The following NDUFB5 variants were observed in gnomAD, a reference collection of about 807,000 sequenced individuals.
NDUFB5 encodes the protein NADH dehydrogenase [ubiquinone] 1 beta subcomplex subunit 5, mitochondrial.
A neutral mutation model predicts 19.4 loss-of-function variants in NDUFB5; 19 were observed. That is an observed-to-expected ratio of 0.98 (90% CI 0.68 to 1.43). NDUFB5 has a LOEUF of 1.43. Ranked by LOEUF, NDUFB5 falls within the 40% of genes most tolerant of loss-of-function variation. The pLI, the probability that NDUFB5 is intolerant of heterozygous loss-of-function variation, is 0.00. For missense variants in NDUFB5, 233 were observed against 236.5 expected (o/e 0.99, Z 0.10); for synonymous variants, 80 against 82.6 (o/e 0.97, Z 0.17).
In NDUFB5 at chr3:179,615,306, C is replaced by G. The variant is rs529039902; in HGVS notation, c.213+247C>G. The G allele has an allele frequency of 7.0e-5, 21 of 299,932 alleles. 1 individual carries two copies. The South Asian group carries it at 9.0e-4, about 13-fold the overall frequency. The allele number at this position is 299,932 out of a possible 1,614,324, so 18.6% of individuals were successfully genotyped here. A position where few individuals can be genotyped will look rare whatever the true frequency, so the allele number is the denominator to read the frequency against. ...GTAAAACTTGAACCATTCCTTTCTT[C>G]TGAAGATTATGGCGTTTCGAAATAG... On this transcript the variant is annotated intron_variant, in intron 2 of 5. Coordinates refer to ENST00000259037, the MANE Select transcript of NDUFB5 (RefSeq NM_002492.4).
chr3:179,622,640 T>C (rs1385743302), intron 5 of NDUFB5, among the ~76,000 whole-genome samples: 1 of 152,200 alleles, frequency 6.6e-6, no homozygotes, highest in Non-Finnish European at 1.5e-5. Context: ...TTGATAAATA[T>C]TTTAATTACG....
chr3:179,623,316 A>T (rs937017658), intron 5 of NDUFB5, among the ~76,000 whole-genome samples: 2 of 152,364 alleles, frequency 1.3e-5, no homozygotes, highest in East Asian at 3.9e-4. Flanking sequence ...GATGAAAGTG[A>T]TCTGTGCAGG....
chr3:179,607,912 T>C lies in NDUFB5; in HGVS notation c.124+2973T>C. 6.0e-6 allele frequency: 4 copies of C among 665,062 alleles called. No individual in the cohort carries two copies. The South Asian group carries it at 6.8e-5, about 11-fold the overall frequency. 41.2% of individuals were successfully genotyped at this position (665,062 alleles called of 1,614,324 possible). A position where few individuals can be genotyped will look rare whatever the true frequency, so the allele number is the denominator to read the frequency against. The stretch of plus-strand genomic sequence containing the variant: ...TCAGAATTTCCTTCCTTTTTAAAGC[T>C]GAATTGTCCGTTGTCCATTGTATGT... On this transcript the variant is annotated intron_variant, in intron 1 of 5. Coordinates refer to ENST00000259037, the MANE Select transcript of NDUFB5 (RefSeq NM_002492.4).
Position 179,606,142 on chromosome 3 carries a change from A to G in NDUFB5, c.124+1203A>G, listed in dbSNP as rs1285276791. 3.9e-5 allele frequency among the ~76,000 whole-genome samples: 6 copies of G among 152,210 alleles called. No individual in the cohort carries two copies. In the East Asian group the frequency reaches 7.7e-4, roughly 20 times the overall value. ...GACCTCCTTGGAGACAGTGAGTTGC[A>G]TCATGGCGGTGTGAATAATCATAGC... On this transcript the variant is annotated intron_variant, in intron 1 of 5. Transcript: ENST00000259037.
At chr3:179,605,783 A>G (rs1719076180) in intron 1 of NDUFB5, among the ~76,000 whole-genome samples, 1 of 148,608 alleles carries the variant, frequency 6.7e-6, no homozygotes, top group Non-Finnish European at 1.5e-5. Context: ...CAGGAAAGTC[A>G]TAATACAGTC....
intron 5 of NDUFB5, among the ~76,000 whole-genome samples, chr3:179,622,356 C>G (rs988130460): frequency 1.2e-4 from 18 of 151,878 alleles, no homozygotes; most frequent in Non-Finnish European, 2.4e-4. Context: ...CTCTGTTGCC[C>G]AGGCTGGACT....
At chr3:179,618,131 G>A (rs1719432041) in intron 4 of NDUFB5, 1 of 235,828 alleles carries the variant, frequency 4.2e-6, no homozygotes, top group Non-Finnish European at 8.2e-6. Context: ...TCAGCATAGT[G>A]TAATGGAAAA....
intron 2 of NDUFB5, chr3:179,615,586 A>G: frequency 2.1e-6 from 1 of 465,686 alleles, no homozygotes; most frequent in Non-Finnish European, 4.3e-6. Flanking sequence ...AGGCTTAGAA[A>G]ATGGGAGATT....
At chr3:179,609,258 TG>T (rs1301443661) in intron 1 of NDUFB5, among the ~76,000 whole-genome samples, 1 of 152,222 alleles carries the variant, frequency 6.6e-6, no homozygotes, top group African/African-American at 2.4e-5. Flanking sequence ...ATGTGTGTCA[TG>T]GGTGTTACTG....
At chr3:179,606,616 G>A (rs945243471) in intron 1 of NDUFB5, among the ~76,000 whole-genome samples, 6 of 152,160 alleles carry the variant, frequency 3.9e-5, no homozygotes, top group Non-Finnish European at 8.8e-5. Context: ...GAGATCACAG[G>A]CGTGAGCCAC....
chr3:179,624,009 A>G lies in NDUFB5; in HGVS notation c.539A>G (p.Asp180Gly), dbSNP rs1367382352. The G allele has an allele frequency of 1.2e-6, 2 of 1,613,952 alleles. No homozygotes were observed. The highest frequency in any genetic ancestry group is 1.7e-5 in the Admixed American group (1 of 59,998). ...YYETIDKELIDHSPKATPDN is the reference protein window; with the variant it reads ...YYETIDKELIGHSPKATPDN Reference sequence around the variant, plus strand: ...GAGACAATTGACAAGGAACTTATTGATCATTCTCCGAAAGCAACTCCTGAC... The same window carrying G: ...GAGACAATTGACAAGGAACTTATTGGTCATTCTCCGAAAGCAACTCCTGAC... Residue 180 changes from aspartate to glycine, a missense_variant, in exon 6 of 6, where the codon GAT becomes GGT. By Grantham distance (94) the Asp-to-Gly change is moderately conservative. Transcript: ENST00000259037.
intron 5 of NDUFB5, among the ~76,000 whole-genome samples, chr3:179,622,200 C>T (rs1218522391): frequency 1.3e-5 from 2 of 152,136 alleles, no homozygotes; most frequent in African/African-American, 2.4e-5. Context: ...CTCTGTTGGC[C>T]AGGCTGATCT....
At chr3:179,610,046 G>A (rs1024147565) in intron 1 of NDUFB5, among the ~76,000 whole-genome samples, 2 of 152,088 alleles carry the variant, frequency 1.3e-5, no homozygotes, top group Non-Finnish European at 2.9e-5. Context: ...TCAAGTAGCT[G>A]GGACTACAGG....
chr3:179,614,914 A>T (rs1184729627), intron 1 of NDUFB5, 57 bp from the exon 2 acceptor site: 7 of 1,175,792 alleles, frequency 6.0e-6, no homozygotes, highest in African/African-American at 1.5e-5. Context: ...TTAACTCAGA[A>T]TATAACAGTA....
At chr3:179,605,582 G>A (rs931472583) in intron 1 of NDUFB5, among the ~76,000 whole-genome samples, 2 of 148,096 alleles carry the variant, frequency 1.4e-5, no homozygotes, top group African/African-American at 5.0e-5. Flanking sequence ...TCTCCTGCCT[G>A]AACCCATGAT....
chr3:179,614,993 C>T lies in NDUFB5; in HGVS notation c.147C>T (p.Asp49=), dbSNP rs1408254500. The T allele has an allele frequency of 1.2e-6, 2 of 1,609,342 alleles. No individual in the cohort carries two copies. The highest frequency in any genetic ancestry group is 1.3e-5 in the African/African-American group (1 of 74,780). ...KAAAPVRHSG[D]HGKRLFVIRP... Reference sequence around the variant, plus strand: ...CAGCTCCTGTTCGACACAGTGGAGACCATGGGAAAAGACTATTTGTCATCA... The same window carrying T: ...CAGCTCCTGTTCGACACAGTGGAGATCATGGGAAAAGACTATTTGTCATCA... The change falls in exon 2 of 6, where the codon GAC becomes GAT. Residue 49 remains aspartate, a synonymous_variant. Coordinates refer to ENST00000259037, the MANE Select transcript of NDUFB5 (RefSeq NM_002492.4).
At chr3:179,612,056 C>T (rs1324990539) in intron 1 of NDUFB5, among the ~76,000 whole-genome samples, 1 of 150,880 alleles carries the variant, frequency 6.6e-6, no homozygotes, top group Non-Finnish European at 1.5e-5. Flanking sequence ...CTCAAGTGAT[C>T]CTCCCGCCTC....
intron 4 of NDUFB5, chr3:179,618,208 A>G: frequency 2.5e-6 from 1 of 404,918 alleles, no homozygotes; most frequent in Non-Finnish European, 4.4e-6. Context: ...TTAGCTACGT[A>G]ACTTTGTGCA....
chr3:179,606,234 T>G (rs751557070), intron 1 of NDUFB5, among the ~76,000 whole-genome samples: 1 of 152,236 alleles, frequency 6.6e-6, no homozygotes, highest in Non-Finnish European at 1.5e-5. Flanking sequence ...AATTACAATG[T>G]TATTTTCATT....
Sources: allele counts gnomAD v4.1 joint callset (sites outside exome capture counted in the v4.1 genomes callset), GRCh38; gene constraint gnomAD v4.1.1; transcripts MANE v1.5; gene names NCBI Gene and HGNC (gene_info 2026-07-23, HGNC 2026-07-21).